The following ABLIM1 variants were observed in gnomAD, a reference collection of about 807,000 sequenced individuals.
ABLIM1 encodes actin binding LIM protein 1, also known as actin-binding LIM protein 1.
ABLIM1 carries 40 observed loss-of-function variants against 107.0 expected under a neutral mutation model. The ratio of observed to expected loss-of-function variants is 0.37; its 90% CI spans 0.29 to 0.49. The LOEUF (loss-of-function observed/expected upper bound fraction) is 0.49, where lower values mean the gene tolerates loss of function less well. Ranked by LOEUF, ABLIM1 falls within the 20% of genes least tolerant of loss-of-function variation. The pLI, the probability that ABLIM1 is intolerant of heterozygous loss-of-function variation, is 0.97. For missense variants in ABLIM1, 857 were observed against 1,008.5 expected (o/e 0.85, Z 2.04); for synonymous variants, 357 against 357.3 (o/e 1.00, Z 0.01).
intron 1 of ABLIM1, chr10:114,632,244 C>T (rs888625082): frequency 1.0e-6 from 1 of 985,416 alleles, no homozygotes; most frequent in South Asian, 4.7e-5. Flanking sequence ...CTGTCCTAAT[C>T]TCTGGTCACT....
At chr10:114,531,704 G>T (rs1180115006) in intron 6 of ABLIM1, among the ~76,000 whole-genome samples, 1 of 151,926 alleles carries the variant, frequency 6.6e-6, no homozygotes, top group Admixed American at 6.6e-5. Context: ...TTTTAGTAGA[G>T]ACGGGGTTTC....
At chr10:114,587,385 A>G (rs975116088) in intron 2 of ABLIM1, among the ~76,000 whole-genome samples, 40 of 152,182 alleles carry the variant, frequency 2.6e-4, no homozygotes, top group African/African-American at 8.9e-4. Flanking sequence ...ATTCTATTCT[A>G]TATAAGGATT....
chr10:114,461,393 G>GTT (rs11297952), intron 12 of ABLIM1, among the ~76,000 whole-genome samples: 2 of 140,704 alleles, frequency 1.4e-5, no homozygotes, highest in East Asian at 2.1e-4. Flanking sequence ...CAACTGAAGG[G>GTT]TTTTTTTTTT....
chr10:114,683,086 T>A (rs1223809864), intron 1 of ABLIM1, among the ~76,000 whole-genome samples: 1 of 152,228 alleles, frequency 6.6e-6, no homozygotes, highest in Non-Finnish European at 1.5e-5. Flanking sequence ...GCATTCTAAT[T>A]AATATGCATA....
chr10:114,543,576 A>C (rs1327360689), intron 6 of ABLIM1, among the ~76,000 whole-genome samples: 1 of 152,176 alleles, frequency 6.6e-6, no homozygotes, highest in East Asian at 1.9e-4. Context: ...GGCTGATGTG[A>C]ATAGGGCTGC....
At position 114,612,388 on chromosome 10, in the gene ABLIM1, T is replaced by C. The variant is rs140876427; in HGVS notation, c.245-10427A>G. ...AGATACAAATGTCTTGACCTTGGATTTCCCAGCCTCAGGAACCATAAGAAA... is the reference window on the plus strand; with the variant it reads ...AGATACAAATGTCTTGACCTTGGATCTCCCAGCCTCAGGAACCATAAGAAA... On this transcript the variant is annotated intron_variant, in intron 1 of 22. Transcript: ENST00000533213. Among the ~76,000 whole-genome samples the C allele has an allele frequency of 7.9e-5, 12 of 152,330 alleles. No individual in the cohort carries two copies. In the East Asian group the frequency reaches 2.3e-3, roughly 29 times the overall value.
chr10:114,571,470 T>C, intron 3 of ABLIM1, 64 bp from the exon 4 acceptor site: 4 of 1,492,298 alleles, frequency 2.7e-6, no homozygotes, highest in Non-Finnish European at 2.8e-6. Context: ...TCCTTATTCC[T>C]TCTGCTTGCT....
upstream of ABLIM1, among the ~76,000 whole-genome samples, chr10:114,689,611 C>T (rs528557300): frequency 1.2e-4 from 19 of 152,182 alleles, no homozygotes; most frequent in African/African-American, 3.9e-4. Flanking sequence ...ATCCACCTAT[C>T]GTGGCCTCCC....
intron 1 of ABLIM1, among the ~76,000 whole-genome samples, chr10:114,676,525 C>T (rs959801179): frequency 2.8e-4 from 43 of 151,982 alleles, no homozygotes; most frequent in African/African-American, 9.9e-4. Flanking sequence ...TGTAAGAGAA[C>T]AATCAGTAAC....
intron 2 of ABLIM1, among the ~76,000 whole-genome samples, chr10:114,576,442 C>G (rs1185442627): frequency 1.3e-5 from 2 of 152,230 alleles, no homozygotes; most frequent in Non-Finnish European, 2.9e-5. Context: ...ACCTTGCTAT[C>G]CCCAAGGTCA....
chr10:114,506,439 CT>C (rs771678560), intron 6 of ABLIM1, among the ~76,000 whole-genome samples: 5 of 152,204 alleles, frequency 3.3e-5, no homozygotes, highest in Non-Finnish European at 5.9e-5. Flanking sequence ...AATCTACATG[CT>C]GCTTTCTACA....
At chr10:114,521,776 C>T (rs564861231) in intron 6 of ABLIM1, among the ~76,000 whole-genome samples, 13 of 152,002 alleles carry the variant, frequency 8.6e-5, no homozygotes, top group African/African-American at 2.4e-4. Flanking sequence ...GTTTTAGTTT[C>T]GGGGATATGA....
At chr10:114,567,236 A>G (rs1420411483) in intron 4 of ABLIM1, among the ~76,000 whole-genome samples, 2 of 152,232 alleles carry the variant, frequency 1.3e-5, no homozygotes, top group African/African-American at 2.4e-5. Context: ...TACCTACATC[A>G]TCAAAGAAAT....
chr10:114,695,639 G>A (rs1030339829), intron 1 of ABLIM1, among the ~76,000 whole-genome samples: 3 of 152,146 alleles, frequency 2.0e-5, no homozygotes, highest in African/African-American at 7.2e-5. Context: ...TGAAACTTAG[G>A]TTAGAACTGG....
At chr10:114,610,173 AC>A (rs1327910411) in intron 1 of ABLIM1, among the ~76,000 whole-genome samples, 1 of 152,238 alleles carries the variant, frequency 6.6e-6, no homozygotes, top group Non-Finnish European at 1.5e-5. Context: ...TGAAGTACAA[AC>A]AGAAATTCTT....
intron 1 of ABLIM1, among the ~76,000 whole-genome samples, chr10:114,675,425 C>T (rs1047387044): frequency 2.6e-5 from 4 of 152,178 alleles, no homozygotes; most frequent in African/African-American, 9.6e-5. Context: ...AAGGGCAGTT[C>T]TCCTGAACAT....
chr10:114,681,039 A>G (rs2080725465), intron 1 of ABLIM1, among the ~76,000 whole-genome samples: 1 of 152,202 alleles, frequency 6.6e-6, no homozygotes, highest in South Asian at 2.1e-4. Flanking sequence ...AAATGTAAAA[A>G]AATAAAGATG....
chr10:114,436,212 GC>G lies in ABLIM1; in HGVS notation c.*47del, dbSNP rs1213587945. 1 of 1,481,566 alleles carries G rather than the reference GC, an allele frequency of 6.7e-7. No individual in the cohort carries two copies. Among genetic ancestry groups the G allele is most frequent in the African/African-American group, 1.4e-5 (1 of 71,898 alleles). The allele number at this position is 1,481,566 out of a possible 1,614,324, so 91.8% of individuals were successfully genotyped here. ...GGGCCTCAATATGACATCCTATGGG[GC>G]ACCGCCACTGTCAGTCCTTTCTCTA... On this transcript the variant is annotated 3_prime_UTR_variant, in exon 23 of 23. Coordinates refer to ENST00000533213, the MANE Select transcript of ABLIM1 (RefSeq NM_002313.7).
chr10:114,572,452 G>A (rs1032309236), intron 3 of ABLIM1, among the ~76,000 whole-genome samples: 5 of 152,150 alleles, frequency 3.3e-5, no homozygotes, highest in African/African-American at 1.2e-4. Context: ...CCCCACAAAT[G>A]TGGCTGGCTC....
Sources: allele counts gnomAD v4.1 joint callset (sites outside exome capture counted in the v4.1 genomes callset), GRCh38; gene constraint gnomAD v4.1.1; transcripts MANE v1.5; gene names NCBI Gene and HGNC (gene_info 2026-07-23, HGNC 2026-07-21).